FUT8: variants seen among roughly 807,000 people sequenced by gnomAD.
FUT8 encodes fucosyltransferase 8, also known as alpha-(1,6)-fucosyltransferase.
In FUT8, 29 loss-of-function variants were observed where a neutral mutation model predicts 71.3. That is an observed-to-expected ratio of 0.41 (90% CI 0.30 to 0.55). FUT8 has a LOEUF of 0.55. Among genes scored for constraint, FUT8 ranks in the 20% least tolerant of loss-of-function variants. The probability of loss-of-function intolerance (pLI) is 0.34; values close to 1 mark genes in which losing one functional copy is unlikely to be tolerated. For synonymous variants in FUT8, 254 were observed against 239.3 expected (o/e 1.06, Z -0.57); for missense variants, 544 against 702.1 (o/e 0.77, Z 2.55).
At chr14:65,502,228 G>T (rs539583837) in intron 2 of FUT8, among the ~76,000 whole-genome samples, 25 of 150,532 alleles carry the variant, frequency 1.7e-4, no homozygotes, top group African/African-American at 6.1e-4. Context: ...CTTATTTATT[G>T]TTATTTTTTT....
At chr14:65,712,955 T>A (rs1206310325) in intron 7 of FUT8, among the ~76,000 whole-genome samples, 2 of 152,178 alleles carry the variant, frequency 1.3e-5, no homozygotes, top group Non-Finnish European at 2.9e-5. Context: ...TACAGTTAAA[T>A]TATCATTGAC....
chr14:65,626,365 A>G (rs571515934), intron 5 of FUT8, among the ~76,000 whole-genome samples: 1 of 152,358 alleles, frequency 6.6e-6, no homozygotes, highest in African/African-American at 2.4e-5. Flanking sequence ...AGATAGAACC[A>G]AAATTGAGAA....
At chr14:65,568,764 G>C (rs1272950569) in intron 3 of FUT8, among the ~76,000 whole-genome samples, 1 of 150,138 alleles carries the variant, frequency 6.7e-6, no homozygotes, top group Non-Finnish European at 1.5e-5. Flanking sequence ...AAGTTAGGTT[G>C]GTTAATTAAG....
intron 2 of FUT8, among the ~76,000 whole-genome samples, chr14:65,517,515 A>G (rs949459197): frequency 1.3e-5 from 2 of 152,188 alleles, no homozygotes; most frequent in African/African-American, 4.8e-5. Context: ...TTTGTTTGTT[A>G]TCCTGAGCAG....
intron 1 of FUT8, among the ~76,000 whole-genome samples, chr14:65,427,069 A>G (rs1368790261): frequency 1.3e-5 from 2 of 152,054 alleles, no homozygotes; most frequent in Admixed American, 1.3e-4. Context: ...TCACCATGTT[A>G]GCCAGGATGA....
At chr14:65,702,121 G>T (rs935458060) in intron 7 of FUT8, among the ~76,000 whole-genome samples, 1 of 152,176 alleles carries the variant, frequency 6.6e-6, no homozygotes, top group Non-Finnish European at 1.5e-5. Context: ...CAAGGTGGGC[G>T]GATCACCTGA....
At chr14:65,708,378 A>G (rs946952554) in intron 7 of FUT8, among the ~76,000 whole-genome samples, 1 of 152,204 alleles carries the variant, frequency 6.6e-6, no homozygotes, top group African/African-American at 2.4e-5. Flanking sequence ...TTCTTTATAA[A>G]TTACCGAATC....
chr14:65,502,889 T>C (rs73284154), intron 2 of FUT8, among the ~76,000 whole-genome samples: 1 of 152,162 alleles, frequency 6.6e-6, no homozygotes, highest in Non-Finnish European at 1.5e-5. Context: ...AGGCCTGAGA[T>C]TGTGCATTTC....
chr14:65,505,838 C>G (rs2066724939), intron 2 of FUT8, among the ~76,000 whole-genome samples: 1 of 152,102 alleles, frequency 6.6e-6, no homozygotes, highest in Admixed American at 6.6e-5. Flanking sequence ...TTGTGACCAT[C>G]TCCAAGTCAT....
At chr14:65,692,841 G>T (rs867011878) in intron 7 of FUT8, among the ~76,000 whole-genome samples, 97 of 151,858 alleles carry the variant, frequency 6.4e-4, no homozygotes, top group Non-Finnish European at 7.4e-4. Context: ...GTCACGGCCG[G>T]GCAGAGGCGC....
At position 65,576,181 on chromosome 14, in the gene FUT8, TTTTG is replaced by T. The variant is rs539343166; in HGVS notation, c.203+14431_203+14434del. Among the ~76,000 whole-genome samples the T allele has an allele frequency of 2.6e-4, 39 of 152,262 alleles. 1 individual carries two copies. Among genetic ancestry groups the T allele is most frequent in the Admixed American group, 5.9e-4 (9 of 15,290 alleles). On this transcript the variant is annotated intron_variant, in intron 3 of 10. Transcript: ENST00000673929. Reference sequence around the variant, plus strand: ...TGGGACAAGTCTACCTTTCTCTGTTTTTTGTTTGTTTGTTTGTTTCTTTTTCAAT... The same window carrying T: ...TGGGACAAGTCTACCTTTCTCTGTTTTTTGTTTGTTTGTTTCTTTTTCAAT...
chr14:65,489,909 C>T lies in FUT8; in HGVS notation c.-228+34191C>T, dbSNP rs1268592923. Among the ~76,000 whole-genome samples the T allele has an allele frequency of 1.3e-5, 2 of 151,904 alleles. No homozygotes were observed. Among genetic ancestry groups the T allele is most frequent in the African/African-American group, 4.8e-5 (2 of 41,382 alleles). ...CAAAAAAACATTAAAAACTCCAAAA[C>T]CCAAGGAAGAAAAAGCTTCTTGCAT... On this transcript the variant is annotated intron_variant, in intron 2 of 10. Coordinates refer to ENST00000673929, the MANE Select transcript of FUT8 (RefSeq NM_001371533.1). This position sits in a 1 kb window ranked among gnomAD's most constrained non-coding sequence, Gnocchi z 4.0.
chr14:65,697,329 A>G (rs948912241), intron 7 of FUT8, among the ~76,000 whole-genome samples: 3 of 152,082 alleles, frequency 2.0e-5, no homozygotes, highest in Non-Finnish European at 2.9e-5. Flanking sequence ...TTTAGCTGCA[A>G]TTTCTCCTTA....
At chr14:65,521,149 T>C (rs888189347) in intron 2 of FUT8, among the ~76,000 whole-genome samples, 5 of 152,084 alleles carry the variant, frequency 3.3e-5, no homozygotes, top group Admixed American at 6.5e-5. Context: ...TTGACTCTTA[T>C]AGTATAAAAG....
intron 2 of FUT8, among the ~76,000 whole-genome samples, chr14:65,514,620 A>G (rs1882584027): frequency 6.6e-6 from 1 of 152,144 alleles, no homozygotes. Context: ...GAATGTATCA[A>G]TGTATCAATA....
At chr14:65,609,475 A>G (rs1888764346) in intron 3 of FUT8, among the ~76,000 whole-genome samples, 1 of 151,794 alleles carries the variant, frequency 6.6e-6, no homozygotes, top group Admixed American at 6.6e-5. Context: ...TCAGAAAGGT[A>G]TATTTCTTGT....
intron 7 of FUT8, among the ~76,000 whole-genome samples, chr14:65,705,484 A>G (rs1002018635): frequency 4.6e-5 from 7 of 152,240 alleles, no homozygotes; most frequent in African/African-American, 1.7e-4. Flanking sequence ...AGGTCTCACC[A>G]TAGCTAGTTA....
chr14:65,385,118 C>T, the FUT8 span, among the ~76,000 whole-genome samples: 2 of 151,872 alleles, frequency 1.3e-5, no homozygotes, highest in African/African-American at 4.8e-5. Context: ...GGGCTGGTCT[C>T]GAACTCCTGA....
At chr14:65,725,038 A>G (rs987783253) in intron 9 of FUT8, among the ~76,000 whole-genome samples, 4 of 152,366 alleles carry the variant, frequency 2.6e-5, no homozygotes, top group Middle Eastern at 6.8e-3. Context: ...CAATAAAACC[A>G]GGTGCTTATC....
Sources: allele counts gnomAD v4.1 joint callset (sites outside exome capture counted in the v4.1 genomes callset), GRCh38; gene constraint gnomAD v4.1.1; non-coding constraint Gnocchi (gnomAD v3.1); transcripts MANE v1.5; gene names NCBI Gene and HGNC (gene_info 2026-07-23, HGNC 2026-07-21).